The following OCA2 variants were observed in gnomAD, a reference collection of about 807,000 sequenced individuals.
OCA2 encodes the protein OCA2 melanosomal transmembrane protein.
In OCA2, 77 loss-of-function variants were observed where a neutral mutation model predicts 100.2. The observed-to-expected ratio is 0.77, with a 90% CI of 0.64 to 0.93. OCA2 has a LOEUF of 0.93. Among genes scored for constraint, OCA2 ranks in the 40% least tolerant of loss-of-function variants. The probability of loss-of-function intolerance (pLI) is 0.00; values close to 1 mark genes in which losing one functional copy is unlikely to be tolerated. For synonymous variants in OCA2, 432 were observed against 439.2 expected (o/e 0.98, Z 0.21); for missense variants, 1,062 against 1,089.1 (o/e 0.98, Z 0.35).
chr15:28,080,026 T>C (rs2044569207), intron 2 of OCA2, among the ~76,000 whole-genome samples: 1 of 152,338 alleles, frequency 6.6e-6, no homozygotes, highest in Non-Finnish European at 1.5e-5. Flanking sequence ...ACATATGCTC[T>C]TCTGGTTTTC....
In OCA2 at chr15:27,949,027, T is replaced by C. The variant is rs1335923045; in HGVS notation, c.1951+2757A>G. Among the ~76,000 whole-genome samples, 2 of 152,186 alleles carry C rather than the reference T, an allele frequency of 1.3e-5. 1 individual carries two copies. The highest frequency in any genetic ancestry group is 4.2e-4 in the South Asian group (2 of 4,816). On this transcript the variant is annotated intron_variant, in intron 18 of 23. Transcript: ENST00000354638. Reference sequence around the variant, plus strand: ...AGTGGCAGTTACACAAACCTACCTATGTGTTAAAATCCAAAGAACGCTACA... The same window carrying C: ...AGTGGCAGTTACACAAACCTACCTACGTGTTAAAATCCAAAGAACGCTACA...
At chr15:27,840,094 C>T (rs1223910485) in intron 23 of OCA2, among the ~76,000 whole-genome samples, 2 of 151,976 alleles carry the variant, frequency 1.3e-5, no homozygotes, top group African/African-American at 2.4e-5. Flanking sequence ...GAGGAAAGAG[C>T]TTAGCCTTAA....
chr15:27,957,742 A>G lies in OCA2; in HGVS notation c.1637-7T>C. ...TGAATCTCGTGCTTCAGTTCTGCAG[A>G]GAAAGGAAGGCGAAGCTTGGGTCTC... On this transcript the variant is annotated splice_polypyrimidine_tract_variant and splice_region_variant and intron_variant, in intron 15 of 23. Transcript: ENST00000354638. The surrounding 1 kb of genome is among the most constrained non-coding windows in gnomAD (Gnocchi z 4.3). The G allele has an allele frequency of 6.2e-7, 1 of 1,613,122 alleles. No individual in the cohort carries two copies. The highest frequency in any genetic ancestry group is 8.5e-7 in the Non-Finnish European group (1 of 1,179,990).
chr15:27,730,748 T>C, the OCA2 span, among the ~76,000 whole-genome samples: 1 of 42,178 alleles, frequency 2.4e-5, no homozygotes, highest in African/African-American at 2.1e-4. Flanking sequence ...TATATATATA[T>C]ATATATATAT....
At chr15:27,810,802 A>C (rs886886092) in intron 23 of OCA2, among the ~76,000 whole-genome samples, 3 of 152,248 alleles carry the variant, frequency 2.0e-5, no homozygotes. Flanking sequence ...AAGGAAATGC[A>C]AATCAAAACC....
intron 21 of OCA2, among the ~76,000 whole-genome samples, chr15:27,854,663 G>C (rs2035888556): frequency 6.6e-6 from 1 of 152,206 alleles, no homozygotes; most frequent in African/African-American, 2.4e-5. Flanking sequence ...GGCACCTTTA[G>C]ACTTGATGTC....
At chr15:27,756,644 C>T (rs372086294) in intron 23 of OCA2, among the ~76,000 whole-genome samples, 1 of 152,218 alleles carries the variant, frequency 6.6e-6, no homozygotes. Flanking sequence ...GTCTGGTCAA[C>T]TCCAGGCATC....
At chr15:27,850,514 C>A (rs545613615) in intron 22 of OCA2, among the ~76,000 whole-genome samples, 1 of 151,994 alleles carries the variant, frequency 6.6e-6, no homozygotes, top group Non-Finnish European at 1.5e-5. Context: ...TTTCAGCACT[C>A]AATTTCAACA....
chr15:27,853,141 C>T (rs1176506110), intron 21 of OCA2, among the ~76,000 whole-genome samples: 31 of 107,658 alleles, frequency 2.9e-4, no homozygotes, highest in Non-Finnish European at 3.4e-4. Flanking sequence ...TATTGCGGCA[C>T]TATTCACAAT....
At chr15:28,073,280 G>C (rs190727348) in intron 2 of OCA2, among the ~76,000 whole-genome samples, 28 of 152,274 alleles carry the variant, frequency 1.8e-4, no homozygotes, top group African/African-American at 6.7e-4. Flanking sequence ...TGGGCGTGGT[G>C]GCGAGCAACT....
intron 14 of OCA2, among the ~76,000 whole-genome samples, chr15:27,976,380 T>C (rs560041926): frequency 9.2e-5 from 14 of 152,226 alleles, no homozygotes; most frequent in Non-Finnish European, 1.9e-4. Flanking sequence ...TGAAGTATGA[T>C]GCTAGCTATA....
intron 23 of OCA2, among the ~76,000 whole-genome samples, chr15:27,798,291 AAG>A (rs1351369456): frequency 6.6e-6 from 1 of 152,162 alleles, no homozygotes; most frequent in African/African-American, 2.4e-5. Context: ...GGTTCTGCCT[AAG>A]AGAGGTGGGA....
chr15:28,040,662 A>T (rs1056064009), intron 2 of OCA2, among the ~76,000 whole-genome samples: 1 of 152,170 alleles, frequency 6.6e-6, no homozygotes, highest in African/African-American at 2.4e-5. Context: ...CATGACTACC[A>T]ATTTTTAAAA....
At chr15:27,876,736 T>A (rs1021782555) in intron 19 of OCA2, among the ~76,000 whole-genome samples, 1 of 152,004 alleles carries the variant, frequency 6.6e-6, no homozygotes, top group Non-Finnish European at 1.5e-5. Context: ...AATTTGTTAA[T>A]AGATTCTCTT....
At chr15:28,050,239 C>T (rs1476534643) in intron 2 of OCA2, among the ~76,000 whole-genome samples, 2 of 152,024 alleles carry the variant, frequency 1.3e-5, no homozygotes, top group South Asian at 2.1e-4. Context: ...GAGCTTTGAT[C>T]GCACCATTGC....
chr15:28,012,671 C>A (rs80068700), intron 9 of OCA2, among the ~76,000 whole-genome samples: 2,050 of 152,128 alleles, frequency 0.013, 43 homozygotes, highest in African/African-American at 0.047. Flanking sequence ...ACAAATAATA[C>A]TAACCATTAA....
intron 14 of OCA2, 140 bp from the exon 15 acceptor site, chr15:27,966,962 T>C: frequency 6.4e-6 from 6 of 944,312 alleles, no homozygotes; most frequent in Non-Finnish European, 9.8e-6. Flanking sequence ...AACCTGTCTC[T>C]ACTAAAAAAT....
At chr15:27,792,980 G>T (rs1391040392) in intron 23 of OCA2, among the ~76,000 whole-genome samples, 2 of 152,220 alleles carry the variant, frequency 1.3e-5, no homozygotes, top group Non-Finnish European at 2.9e-5. Context: ...GGGGCGGCCA[G>T]GGCACTTGGC....
chr15:28,070,271 A>G (rs2044195226), intron 2 of OCA2, among the ~76,000 whole-genome samples: 1 of 138,768 alleles, frequency 7.2e-6, no homozygotes, highest in African/African-American at 3.0e-5. Flanking sequence ...GGAAGTGAGG[A>G]GCGTCTCCGC....
Sources: allele counts gnomAD v4.1 joint callset (sites outside exome capture counted in the v4.1 genomes callset), GRCh38; gene constraint gnomAD v4.1.1; non-coding constraint Gnocchi (gnomAD v3.1); transcripts MANE v1.5; gene names NCBI Gene and HGNC (gene_info 2026-07-23, HGNC 2026-07-21).